Variants in ZNF676 observed in about 807,000 individuals in gnomAD.
ZNF676 encodes the protein zinc finger protein 676.
A neutral mutation model predicts 6.0 loss-of-function variants in ZNF676; 4 were observed. The observed-to-expected ratio is 0.67, with a 90% confidence interval of 0.33 to 1.53. The LOEUF (loss-of-function observed/expected upper bound fraction) is 1.53, where lower values mean the gene tolerates loss of function less well. Among genes scored for constraint, ZNF676 ranks in the 40% most tolerant of loss-of-function variants. The pLI, the probability that ZNF676 is intolerant of heterozygous loss-of-function variation, is 0.06. For missense variants in ZNF676, 644 were observed against 679.7 expected (o/e 0.95, Z 0.58); for synonymous variants, 198 against 223.1 (o/e 0.89, Z 1.00).
intron 2 of ZNF676, among the ~76,000 whole-genome samples, chr19:22,186,814 A>G (rs2023846048): frequency 6.6e-6 from 1 of 152,222 alleles, no homozygotes; most frequent in South Asian, 2.1e-4. Flanking sequence ...AAAAGGATCA[A>G]TGCAACAAGA....
chr19:22,210,298 C>T (rs1386856043), intron 1 of ZNF676, among the ~76,000 whole-genome samples: 2 of 152,102 alleles, frequency 1.3e-5, no homozygotes, highest in Non-Finnish European at 2.9e-5. Flanking sequence ...TCAGCACAGA[C>T]CCTGATTCAG....
chr19:22,215,049 A>ACC (rs2024169008), intron 1 of ZNF676, among the ~76,000 whole-genome samples: 1 of 111,342 alleles, frequency 9.0e-6, no homozygotes, highest in African/African-American at 4.3e-5. Context: ...TCAAAAAAAA[A>ACC]AAAAAAAAAA....
Position 22,180,837 on chromosome 19 carries a change from A to C in ZNF676, c.880T>G (p.Ser294Ala). ...EECGKASNSSSKLMEHKRIHT... is the reference protein window; with the variant it reads ...EECGKASNSSAKLMEHKRIHT... ...ATTCTCTTATGTTCCATGAGCTTTG[A>C]GGACGAGTTGGAAGCTTTGCCACAT... is the stretch of plus-strand genomic sequence containing the variant. The change falls in exon 3 of 3, where the codon TCA becomes GCA. Residue 294 changes from serine to alanine, a missense_variant. Transcript: ENST00000397121. 6.3e-7 allele frequency: 1 copy of C among 1,594,324 alleles called. No individual in the cohort carries two copies. The highest frequency in any genetic ancestry group is 8.6e-7 in the Non-Finnish European group (1 of 1,163,972).
chr19:22,182,613 A>G (rs1433677040), intron 2 of ZNF676, among the ~76,000 whole-genome samples: 1 of 149,432 alleles, frequency 6.7e-6, no homozygotes, highest in African/African-American at 2.4e-5. Flanking sequence ...GCAAACAAAA[A>G]AAAGAAGCTA....
the ZNF676 span, among the ~76,000 whole-genome samples, chr19:22,224,358 GAAAT>G: frequency 6.7e-6 from 1 of 148,818 alleles, no homozygotes; most frequent in Non-Finnish European, 1.5e-5. Flanking sequence ...GTTTAATTGA[GAAAT>G]AAATTAGCCA....
At chr19:22,215,169 A>C (rs1213187069) in intron 1 of ZNF676, among the ~76,000 whole-genome samples, 1 of 152,108 alleles carries the variant, frequency 6.6e-6, no homozygotes, top group Non-Finnish European at 1.5e-5. Context: ...TCAATAGACC[A>C]TAAACTACAA....
At chr19:22,204,862 T>C (rs1191159328) in intron 1 of ZNF676, among the ~76,000 whole-genome samples, 1 of 152,124 alleles carries the variant, frequency 6.6e-6, no homozygotes, top group African/African-American at 2.4e-5. Context: ...TGACAAAAGG[T>C]TTGTTTCATT....
At chr19:22,239,904 C>T in the ZNF676 span, among the ~76,000 whole-genome samples, 1 of 152,166 alleles carries the variant, frequency 6.6e-6, no homozygotes, top group Non-Finnish European at 1.5e-5. Flanking sequence ...TCACAATGCC[C>T]TCTGATGGAA....
the ZNF676 span, among the ~76,000 whole-genome samples, chr19:22,255,384 G>C: frequency 2.0e-5 from 3 of 151,992 alleles, no homozygotes; most frequent in Non-Finnish European, 2.9e-5. Flanking sequence ...ACTACCCTAG[G>C]GCTTTACATG....
intron 1 of ZNF676, 82 bp from the exon 2 acceptor site, chr19:22,193,193 G>T (rs2023930597): frequency 1.9e-5 from 26 of 1,349,850 alleles, no homozygotes; most frequent in Non-Finnish European, 2.4e-5. Flanking sequence ...TAAAGAGGAT[G>T]TAATAGAATA....
intron 1 of ZNF676, among the ~76,000 whole-genome samples, chr19:22,210,809 C>T (rs2024122352): frequency 6.6e-6 from 1 of 152,190 alleles, no homozygotes; most frequent in African/African-American, 2.4e-5. Flanking sequence ...TTCCCACAGG[C>T]TCCTGAACTC....
At chr19:22,239,250 G>A in the ZNF676 span, among the ~76,000 whole-genome samples, 7 of 139,488 alleles carry the variant, frequency 5.0e-5, no homozygotes, top group Non-Finnish European at 1.1e-4. Flanking sequence ...CACCCAGGCT[G>A]AAGTGCAGTG....
At chr19:22,253,258 C>G in the ZNF676 span, among the ~76,000 whole-genome samples, 3 of 150,988 alleles carry the variant, frequency 2.0e-5, no homozygotes, top group African/African-American at 7.3e-5. Flanking sequence ...TTACTGCCAG[C>G]TGGGTACATA....
chr19:22,222,398 G>A, the ZNF676 span, among the ~76,000 whole-genome samples: 3 of 152,136 alleles, frequency 2.0e-5, no homozygotes, highest in East Asian at 5.8e-4. Context: ...GAGCCACTGT[G>A]CCTGGCCTTA....
the ZNF676 span, among the ~76,000 whole-genome samples, chr19:22,221,805 A>T: frequency 3.7e-4 from 56 of 152,172 alleles, 1 homozygote; most frequent in Non-Finnish European, 1.2e-4. Context: ...ATCTTGAAGA[A>T]TGTTTTATGT....
chr19:22,232,507 T>C, the ZNF676 span, among the ~76,000 whole-genome samples: 5 of 152,018 alleles, frequency 3.3e-5, no homozygotes, highest in African/African-American at 1.2e-4. Flanking sequence ...ATAATAAAAA[T>C]AAAACCAGAC....
the ZNF676 span, among the ~76,000 whole-genome samples, chr19:22,238,671 T>A: frequency 2.0e-5 from 3 of 152,184 alleles, no homozygotes; most frequent in Non-Finnish European, 4.4e-5. Context: ...TATACATATA[T>A]GTTAATTAAG....
chr19:22,258,128 GTAA>G, the ZNF676 span, among the ~76,000 whole-genome samples: 2,250 of 152,020 alleles, frequency 0.015, 46 homozygotes, highest in African/African-American at 0.051. Flanking sequence ...GCTGGGCTTA[GTAA>G]TAAGTCACTC....
chr19:22,223,975 A>G, the ZNF676 span, among the ~76,000 whole-genome samples: 1 of 151,754 alleles, frequency 6.6e-6, no homozygotes, highest in Non-Finnish European at 1.5e-5. Context: ...ATATATAACG[A>G]TGAAATTTAC....
Sources: gnomAD v4.1 joint callset for allele counts (sites outside exome capture counted in the v4.1 genomes callset) on GRCh38, gnomAD v4.1.1 for gene constraint, MANE v1.5 for transcripts, NCBI Gene and HGNC (gene_info 2026-07-23, HGNC 2026-07-21) for gene names.